ZBBX: variants seen among roughly 807,000 people sequenced by gnomAD.
ZBBX encodes the protein zinc finger B-box domain containing.
Under a neutral mutation model 108.5 loss-of-function variants are expected in ZBBX, and 101 were observed. The ratio of observed to expected loss-of-function variants is 0.93; its 90% confidence interval spans 0.79 to 1.10. The LOEUF (loss-of-function observed/expected upper bound fraction) is 1.10, where lower values mean the gene tolerates loss of function less well. Ranked by LOEUF, ZBBX falls within the 50% of genes least tolerant of loss-of-function variation. The pLI, the probability that ZBBX is intolerant of heterozygous loss-of-function variation, is 0.00. For synonymous variants in ZBBX, 356 were observed against 323.4 expected (o/e 1.10, Z -1.08); for missense variants, 1,009 against 941.4 (o/e 1.07, Z -0.94).
chr3:167,338,268 T>G (rs1402798032), intron 9 of ZBBX, among the ~76,000 whole-genome samples: 1 of 152,146 alleles, frequency 6.6e-6, no homozygotes, highest in African/African-American at 2.4e-5. Flanking sequence ...CAAATTACAC[T>G]CTAGAAGAAT....
In ZBBX at chr3:167,298,353, A is replaced by T. The variant is rs751911343; in HGVS notation, c.1831T>A (p.Ser611Thr). ...DTNERLNLLPSHRLECNNSST... is the reference protein window; with the variant it reads ...DTNERLNLLPTHRLECNNSST... ...GAATTGTTGCATTCTAAACGATGAG[A>T]AGGAAGTAAGTTGAGTCTTTCATTT... Residue 611 changes from serine (S) to threonine (T), a missense_variant, in exon 18 of 22, where the codon TCT becomes ACT. Physicochemically the swap from Ser to Thr is moderately conservative, Grantham distance 58. Transcript: ENST00000675490. The T allele has an allele frequency of 6.2e-7, 1 of 1,600,096 alleles. No homozygotes were observed. The highest frequency in any genetic ancestry group is 8.5e-7 in the Non-Finnish European group (1 of 1,173,690).
chr3:167,327,857 T>A (rs1158636367), intron 11 of ZBBX, 85 bp downstream of exon 11: 84 of 1,326,490 alleles, frequency 6.3e-5, no homozygotes, highest in Non-Finnish European at 8.3e-5. Context: ...GAGGTTGCAG[T>A]AAGCCAAGAT....
Position 167,315,891 on chromosome 3 carries a change from A to G in ZBBX, c.1195-62T>C, listed in dbSNP as rs1332130821. ...ATAAAAATTTATTACACATTAACCA[A>G]CTTACTTATGGGTGATATTTGGAGT... is the stretch of plus-strand genomic sequence containing the variant. On this transcript the variant is annotated intron_variant, in intron 14 of 21. Coordinates refer to ENST00000675490, the MANE Select transcript of ZBBX (RefSeq NM_001199201.2). The G allele has an allele frequency of 8.9e-6, 9 of 1,013,296 alleles. No homozygotes were observed. In the East Asian group the frequency reaches 2.1e-4, roughly 24 times the overall value. 62.8% of individuals were successfully genotyped at this position (1,013,296 alleles called of 1,614,324 possible).
chr3:167,389,827 C>A (rs1166415548), intron 1 of ZBBX, among the ~76,000 whole-genome samples: 1 of 140,034 alleles, frequency 7.1e-6, no homozygotes, highest in Non-Finnish European at 1.6e-5. Flanking sequence ...GTTTTTTTTT[C>A]TTGTAAATTT....
At chr3:167,398,267 C>CA (rs1334938110) in intron 1 of ZBBX, among the ~76,000 whole-genome samples, 2 of 151,712 alleles carry the variant, frequency 1.3e-5, no homozygotes, top group Non-Finnish European at 2.9e-5. Context: ...TTTATCACAG[C>CA]AAAAAAAGAT....
intron 9 of ZBBX, among the ~76,000 whole-genome samples, chr3:167,340,602 T>C (rs887588549): frequency 8.6e-5 from 13 of 151,976 alleles, no homozygotes; most frequent in African/African-American, 3.1e-4. Context: ...TCCCTGAAAA[T>C]AGGCTTTATC....
rs532145397 is a variant in ZBBX, at chr3:167,332,289, A to AC, written c.687+1537_687+1538insG. ...GAGTTAAACACACACACACACACACAAACACACACACACACACGTCTGAAC... is the reference window on the plus strand; with the variant it reads ...GAGTTAAACACACACACACACACACACAACACACACACACACACGTCTGAAC... On this transcript the variant is annotated intron_variant, in intron 10 of 21. Transcript: ENST00000675490. Among the ~76,000 whole-genome samples the AC allele has an allele frequency of 7.6e-3, 1,027 of 135,926 alleles. 11 individuals carry two copies. The highest frequency in any genetic ancestry group is 0.026 in the African/African-American group (956 of 36,558). The allele number at this position is 135,926 out of a possible 152,430, so 89.2% of individuals were successfully genotyped here.
the ZBBX span, among the ~76,000 whole-genome samples, chr3:167,184,085 G>T: frequency 6.6e-6 from 1 of 152,104 alleles, no homozygotes; most frequent in African/African-American, 2.4e-5. Flanking sequence ...CAATAAACAC[G>T]TGAAGAAATT....
At chr3:167,188,122 G>C in the ZBBX span, among the ~76,000 whole-genome samples, 16 of 152,178 alleles carry the variant, frequency 1.1e-4, no homozygotes, top group South Asian at 2.7e-3. Context: ...GGGATCAGTG[G>C]AATTACCATA....
chr3:167,341,843 AACTT>A (rs1179323436), intron 9 of ZBBX, among the ~76,000 whole-genome samples: 2 of 151,984 alleles, frequency 1.3e-5, no homozygotes, highest in African/African-American at 4.8e-5. Flanking sequence ...TAACAGAATA[AACTT>A]ACTAACAAAT....
At chr3:167,347,312 T>C (rs1263183736) in intron 9 of ZBBX, among the ~76,000 whole-genome samples, 1 of 152,030 alleles carries the variant, frequency 6.6e-6, no homozygotes, top group Non-Finnish European at 1.5e-5. Flanking sequence ...ATAACTACCA[T>C]TGAGCATATT....
At chr3:167,195,672 T>C in the ZBBX span, among the ~76,000 whole-genome samples, 3 of 152,186 alleles carry the variant, frequency 2.0e-5, no homozygotes, top group Admixed American at 6.5e-5. Context: ...CAAACATATT[T>C]ATAAAATCAT....
upstream of ZBBX, among the ~76,000 whole-genome samples, chr3:167,382,128 A>G (rs1747768710): frequency 2.0e-5 from 3 of 152,238 alleles, no homozygotes; most frequent in Admixed American, 1.3e-4. Flanking sequence ...ACTCATAAAA[A>G]TAATGTATAA....
At chr3:167,395,082 TTC>T (rs921834278) in intron 1 of ZBBX, among the ~76,000 whole-genome samples, 3 of 152,030 alleles carry the variant, frequency 2.0e-5, no homozygotes, top group Non-Finnish European at 2.9e-5. Flanking sequence ...ACCTAACATT[TTC>T]TCTTTTACTT....
rs1416049852 is a variant in ZBBX at position 167,240,393 on chromosome 3, T to A, written c.*400A>T. On this transcript the variant is annotated 3_prime_UTR_variant, in exon 22 of 22. Transcript: ENST00000675490. ...ATAAACAGTGTAATTATAGGTTCAA[T>A]TGATGATACTAACTAGTGTGACTTG... The A allele has an allele frequency of 6.5e-6, 1 of 153,088 alleles. No homozygotes were observed. Among genetic ancestry groups the A allele is most frequent in the African/African-American group, 2.4e-5 (1 of 41,476 alleles). 9.5% of individuals were successfully genotyped at this position (153,088 alleles called of 1,614,324 possible). A position where few individuals can be genotyped will look rare whatever the true frequency, so the allele number is the denominator to read the frequency against.
chr3:167,245,787 G>A lies in ZBBX; in HGVS notation c.2255-3144C>T, dbSNP rs144977537. ...TGAGGCCTCCACAGCCATGCTTCCC[G>A]TGCACTCTGCAAAACTGAGCCAATT... On this transcript the variant is annotated intron_variant, in intron 20 of 21. Transcript: ENST00000675490. Among the ~76,000 whole-genome samples, 527 of 151,794 alleles carry A rather than the reference G, an allele frequency of 3.5e-3. 5 individuals are homozygous for A. The highest frequency in any genetic ancestry group is 0.012 in the African/African-American group (485 of 41,386).
chr3:167,212,827 G>A, the ZBBX span, among the ~76,000 whole-genome samples: 3 of 152,114 alleles, frequency 2.0e-5, no homozygotes, highest in South Asian at 4.1e-4. Context: ...CAATTGTGAG[G>A]AAATACAGAG....
intron 17 of ZBBX, among the ~76,000 whole-genome samples, chr3:167,304,909 AG>A (rs2108224649): frequency 1.2e-5 from 1 of 85,268 alleles, no homozygotes; most frequent in African/African-American, 3.1e-5. Context: ...TCCTCCAAGC[AG>A]AAGTAGCAGC....
the ZBBX span, among the ~76,000 whole-genome samples, chr3:167,204,204 T>G: frequency 6.7e-6 from 1 of 149,874 alleles, no homozygotes; most frequent in Non-Finnish European, 1.5e-5. Flanking sequence ...TTTTCTTTTT[T>G]TTTTTTTTAA....
Sources: gnomAD v4.1 joint callset for allele counts (sites outside exome capture counted in the v4.1 genomes callset) on GRCh38, gnomAD v4.1.1 for gene constraint, MANE v1.5 for transcripts, NCBI Gene and HGNC (gene_info 2026-07-23, HGNC 2026-07-21) for gene names.